The following DLG1 variants were observed in gnomAD, a reference collection of about 807,000 sequenced individuals.
DLG1 encodes discs large MAGUK scaffold protein 1.
In DLG1, 42 loss-of-function variants were observed where a neutral mutation model predicts 123.4. The ratio of observed to expected loss-of-function variants is 0.34; its 90% CI spans 0.27 to 0.44. DLG1 has a LOEUF of 0.44. DLG1 is among the 20% of genes least tolerant of loss of function. The pLI is 1.00. For missense variants in DLG1, 942 were observed against 1,082.6 expected, an observed-to-expected ratio of 0.87 and a Z score of 1.82; for synonymous variants, 317 against 356.2, an observed-to-expected ratio of 0.89 and a Z score of 1.24.
intron 4 of DLG1, among the ~76,000 whole-genome samples, chr3:197,275,030 T>A (rs1351813239): frequency 2.6e-5 from 4 of 151,758 alleles, no homozygotes; most frequent in Non-Finnish European, 5.9e-5. Flanking sequence ...TAAAAATATT[T>A]AAAAAATTAG....
rs568948462 is a variant in DLG1, at chr3:197,224,197, T to A, written c.319-29608A>T. Among the ~76,000 whole-genome samples, 6 of 152,318 alleles carry A rather than the reference T, an allele frequency of 3.9e-5. No homozygotes were observed. The South Asian group carries it at 1.2e-3, about 32-fold the overall frequency. On this transcript the variant is annotated intron_variant, in intron 4 of 24. Coordinates refer to ENST00000667157, the MANE Select transcript of DLG1 (RefSeq NM_001366207.1). ...GGCAACCAAGAACCTCAAGTGGTGC[T>A]GTGCAATGAATTTAACAGCATCCAA...
At chr3:197,077,929 G>A (rs1748349036) in intron 17 of DLG1, among the ~76,000 whole-genome samples, 1 of 152,064 alleles carries the variant, frequency 6.6e-6, no homozygotes, top group Non-Finnish European at 1.5e-5. Context: ...CACATCTTAA[G>A]ATGCTGTATT....
intron 14 of DLG1, among the ~76,000 whole-genome samples, chr3:197,104,131 T>C (rs545870142): frequency 1.2e-4 from 19 of 152,296 alleles, no homozygotes; most frequent in Admixed American, 8.5e-4. Context: ...ATTAGAAACA[T>C]GTCTTAAATC....
intron 4 of DLG1, among the ~76,000 whole-genome samples, chr3:197,221,840 G>GT (rs1481391936): frequency 6.6e-6 from 1 of 152,128 alleles, no homozygotes; most frequent in East Asian, 1.9e-4. Context: ...TCATCCTTTG[G>GT]TATCTGTGGG....
chr3:197,116,336 C>T (rs894138617), intron 12 of DLG1, among the ~76,000 whole-genome samples: 5 of 150,902 alleles, frequency 3.3e-5, no homozygotes, highest in African/African-American at 7.3e-5. Flanking sequence ...AGAAAAAAAA[C>T]GTGGAAATTT....
At chr3:197,141,544 A>AT (rs1788004509) in intron 7 of DLG1, among the ~76,000 whole-genome samples, 1 of 152,114 alleles carries the variant, frequency 6.6e-6, no homozygotes. Context: ...TCTCAGATTT[A>AT]TTTTTCTCAG....
At chr3:197,200,405 TTAAC>T (rs1725013034) in intron 4 of DLG1, among the ~76,000 whole-genome samples, 1 of 152,066 alleles carries the variant, frequency 6.6e-6, no homozygotes, top group Non-Finnish European at 1.5e-5. Flanking sequence ...CAGCAACACA[TTAAC>T]ATAAAAGGAG....
At chr3:197,201,276 C>T (rs560574741) in intron 4 of DLG1, among the ~76,000 whole-genome samples, 6 of 152,194 alleles carry the variant, frequency 3.9e-5, no homozygotes, top group African/African-American at 1.2e-4. Flanking sequence ...CCCAGCTACT[C>T]GGGAGGCTGA....
At chr3:197,224,614 T>A (rs1031258257) in intron 4 of DLG1, among the ~76,000 whole-genome samples, 1 of 152,238 alleles carries the variant, frequency 6.6e-6, no homozygotes, top group Non-Finnish European at 1.5e-5. Context: ...ATCAGCAGCA[T>A]ACTTTTTCTT....
chr3:197,138,081 T>C, intron 9 of DLG1, 141 bp downstream of exon 9: 1 of 444,460 alleles, frequency 2.2e-6, no homozygotes, highest in Non-Finnish European at 3.8e-6. Context: ...TCAGTAGAAA[T>C]AACGGAGAAA....
intron 4 of DLG1, among the ~76,000 whole-genome samples, chr3:197,252,304 T>C (rs1431356329): frequency 6.6e-6 from 1 of 152,186 alleles, no homozygotes; most frequent in Non-Finnish European, 1.5e-5. Context: ...CATAGCAATA[T>C]TATTCACAAT....
intron 4 of DLG1, among the ~76,000 whole-genome samples, chr3:197,232,937 G>GA (rs11373023): frequency 0.76 from 115,059 of 151,964 alleles, 43,674 homozygotes; most frequent in East Asian, 0.82. Flanking sequence ...CAGAAACAAA[G>GA]AAGGATTTAC....
At chr3:197,073,159 T>C (rs577180075) in intron 18 of DLG1, among the ~76,000 whole-genome samples, 1 of 152,336 alleles carries the variant, frequency 6.6e-6, no homozygotes. Context: ...TTACATCTTA[T>C]TCGTAATGCA....
intron 14 of DLG1, among the ~76,000 whole-genome samples, chr3:197,103,140 T>C (rs1319336140): frequency 6.6e-6 from 1 of 152,216 alleles, no homozygotes; most frequent in African/African-American, 2.4e-5. Context: ...ACTCTTCCCC[T>C]CTTTCCGTGT....
At chr3:197,229,454 TAAAA>T (rs35520172) in intron 4 of DLG1, among the ~76,000 whole-genome samples, 1 of 121,398 alleles carries the variant, frequency 8.2e-6, no homozygotes, top group Admixed American at 8.5e-5. Flanking sequence ...GCCTGTCTCT[TAAAA>T]AAAAAAAAAA....
intron 22 of DLG1, 108 bp from the exon 23 acceptor site, chr3:197,060,106 C>A: frequency 1.5e-6 from 1 of 672,646 alleles, no homozygotes; most frequent in East Asian, 2.9e-5. Flanking sequence ...CTGTTTCGAT[C>A]CTTGTTCACT....
chr3:197,249,233 C>A (rs1284184328), intron 4 of DLG1, among the ~76,000 whole-genome samples: 1 of 151,142 alleles, frequency 6.6e-6, no homozygotes, highest in Non-Finnish European at 1.5e-5. Context: ...TAACTGAGAC[C>A]ACAGAAATAC....
rs113524449 is a variant in DLG1 at position 197,181,145 on chromosome 3, T to C, written c.483+13280A>G. 8.0e-3 allele frequency among the ~76,000 whole-genome samples: 1,219 copies of C among 152,260 alleles called. 13 individuals carry two copies. The highest frequency in any genetic ancestry group is 0.027 in the African/African-American group (1,113 of 41,550). On this transcript the variant is annotated intron_variant, in intron 5 of 24. Coordinates refer to ENST00000667157, the MANE Select transcript of DLG1 (RefSeq NM_001366207.1). Reference sequence around the variant, plus strand: ...GTAAAATAAGTACAGGTTCTTTTTATGTATTGTGTATATTTGGGGGGATAT... The same window carrying C: ...GTAAAATAAGTACAGGTTCTTTTTACGTATTGTGTATATTTGGGGGGATAT...
intron 5 of DLG1, among the ~76,000 whole-genome samples, chr3:197,176,939 G>A (rs1252340682): frequency 6.6e-6 from 1 of 151,536 alleles, no homozygotes; most frequent in East Asian, 1.9e-4. Flanking sequence ...GTGTCCTATT[G>A]AACAAATGAT....
Sources: gnomAD v4.1 joint callset for allele counts (sites outside exome capture counted in the v4.1 genomes callset) on GRCh38, gnomAD v4.1.1 for gene constraint, MANE v1.5 for transcripts, NCBI Gene and HGNC (gene_info 2026-07-23, HGNC 2026-07-21) for gene names.